Variants in NPAS3 observed in about 807,000 individuals in gnomAD.
NPAS3 encodes neuronal PAS domain protein 3.
A neutral mutation model predicts 73.1 loss-of-function variants in NPAS3; 14 were observed. That is an observed-to-expected ratio of 0.19 (90% CI 0.13 to 0.30). The LOEUF (loss-of-function observed/expected upper bound fraction) is 0.30, where lower values mean the gene tolerates loss of function less well. Ranked by LOEUF, NPAS3 falls within the 10% of genes least tolerant of loss-of-function variation. The pLI is 1.00. For missense variants in NPAS3, 1,096 were observed against 1,250.0 expected, an observed-to-expected ratio of 0.88 and a Z score of 1.86; for synonymous variants, 620 against 541.5, an observed-to-expected ratio of 1.14 and a Z score of -2.01.
chr14:33,349,902 T>C (rs945545659), intron 3 of NPAS3, among the ~76,000 whole-genome samples: 1 of 152,176 alleles, frequency 6.6e-6, no homozygotes, highest in Non-Finnish European at 1.5e-5. Flanking sequence ...AGGAAATTCT[T>C]CTCTAGCAGG....
chr14:33,501,369 A>G (rs2052505908), intron 4 of NPAS3, among the ~76,000 whole-genome samples: 2 of 151,922 alleles, frequency 1.3e-5, no homozygotes, highest in African/African-American at 4.8e-5. Flanking sequence ...CTATTGGGGC[A>G]GTAGTATTAA....
chr14:33,389,027 C>T (rs1462611313), intron 4 of NPAS3, among the ~76,000 whole-genome samples: 1 of 152,146 alleles, frequency 6.6e-6, no homozygotes, highest in Non-Finnish European at 1.5e-5. Context: ...GCTATAGACT[C>T]TCAAGCTTTA....
intron 4 of NPAS3, among the ~76,000 whole-genome samples, chr14:33,442,119 T>G (rs1223350576): frequency 6.6e-6 from 1 of 152,234 alleles, no homozygotes; most frequent in African/African-American, 2.4e-5. Context: ...TATTCTTATG[T>G]GGTCTCAGTA....
At chr14:33,196,890 G>A (rs2046375867) in intron 2 of NPAS3, among the ~76,000 whole-genome samples, 1 of 152,084 alleles carries the variant, frequency 6.6e-6, no homozygotes, top group Non-Finnish European at 1.5e-5. Flanking sequence ...GTATCCTTGT[G>A]CAATTCAATA....
chr14:33,483,881 C>T (rs1038179734), intron 4 of NPAS3, among the ~76,000 whole-genome samples: 2 of 152,166 alleles, frequency 1.3e-5, no homozygotes, highest in African/African-American at 4.8e-5. Flanking sequence ...AGAAATACTG[C>T]CTTTCCCCCT....
chr14:33,442,863 A>C (rs8018440), intron 4 of NPAS3, among the ~76,000 whole-genome samples: 49,639 of 152,104 alleles, frequency 0.33, 8,652 homozygotes, highest in East Asian at 0.64. Flanking sequence ...TTAAGACTTG[A>C]CATTTAGTTC....
chr14:33,399,415 G>A (rs1033306217), intron 4 of NPAS3, among the ~76,000 whole-genome samples: 24 of 151,984 alleles, frequency 1.6e-4, no homozygotes, highest in African/African-American at 5.8e-4. Flanking sequence ...GTTTCCTAAA[G>A]AGCAACAAGG....
chr14:32,975,854 G>T (rs1443385961), intron 1 of NPAS3, among the ~76,000 whole-genome samples: 1 of 136,254 alleles, frequency 7.3e-6, no homozygotes, highest in Non-Finnish European at 1.5e-5. Flanking sequence ...TGTTGGTGGT[G>T]AGGGGCGTGT....
At chr14:33,271,839 A>G (rs1186540210) in intron 3 of NPAS3, among the ~76,000 whole-genome samples, 1 of 152,098 alleles carries the variant, frequency 6.6e-6, no homozygotes, top group Non-Finnish European at 1.5e-5. Context: ...TAAGTTAGTT[A>G]TATTCCTTAT....
intron 4 of NPAS3, among the ~76,000 whole-genome samples, chr14:33,494,415 A>G (rs2052062347): frequency 6.6e-6 from 1 of 152,164 alleles, no homozygotes; most frequent in Non-Finnish European, 1.5e-5. Flanking sequence ...GCCTTCCACA[A>G]ATGATCCCTT....
chr14:33,561,085 T>G (rs1183351809), intron 5 of NPAS3, among the ~76,000 whole-genome samples: 1 of 152,070 alleles, frequency 6.6e-6, no homozygotes, highest in African/African-American at 2.4e-5. Flanking sequence ...GGGAGGGATT[T>G]TGTGTGTGTG....
At chr14:33,216,568 A>G (rs1312609950) in intron 3 of NPAS3, among the ~76,000 whole-genome samples, 1 of 152,212 alleles carries the variant, frequency 6.6e-6, no homozygotes, top group Non-Finnish European at 1.5e-5. Flanking sequence ...TTTCTTCTAG[A>G]GCAACAGTTG....
chr14:32,995,974 G>A (rs2038554170), intron 1 of NPAS3, among the ~76,000 whole-genome samples: 1 of 152,218 alleles, frequency 6.6e-6, no homozygotes, highest in African/African-American at 2.4e-5. Flanking sequence ...ACAGGAAAAT[G>A]TGGGAAAGTT....
intron 2 of NPAS3, among the ~76,000 whole-genome samples, chr14:33,182,943 T>C (rs139284101): frequency 4.7e-3 from 723 of 152,346 alleles, no homozygotes; most frequent in African/African-American, 0.015. Flanking sequence ...GGCAGTGACA[T>C]TGAATTGTCA....
intron 5 of NPAS3, among the ~76,000 whole-genome samples, chr14:33,563,083 A>C (rs1016538856): frequency 6.6e-6 from 1 of 152,188 alleles, no homozygotes; most frequent in Non-Finnish European, 1.5e-5. Flanking sequence ...CTCTGTCATC[A>C]AAGACTTGTC....
chr14:33,374,491 T>TA (rs2046233668), intron 4 of NPAS3, among the ~76,000 whole-genome samples: 1 of 151,708 alleles, frequency 6.6e-6, no homozygotes, highest in African/African-American at 2.4e-5. Context: ...GAAGTTTTTT[T>TA]TAAAAAAAAA....
At chr14:33,585,171 G>C (rs943008499) in intron 5 of NPAS3, among the ~76,000 whole-genome samples, 1 of 152,026 alleles carries the variant, frequency 6.6e-6, no homozygotes, top group African/African-American at 2.4e-5. Context: ...CCCGAATAGA[G>C]CCTCTCATCT....
intron 5 of NPAS3, among the ~76,000 whole-genome samples, chr14:33,600,733 A>T (rs938554887): frequency 1.3e-5 from 2 of 152,342 alleles, no homozygotes; most frequent in Middle Eastern, 3.4e-3. Context: ...CCTCAAAGTA[A>T]CTCACAGGTC....
intron 8 of NPAS3, among the ~76,000 whole-genome samples, chr14:33,775,045 T>TA (rs560081496): frequency 2.0e-5 from 3 of 152,064 alleles, no homozygotes; most frequent in South Asian, 2.1e-4. Context: ...TTTTATAAAT[T>TA]AAAAAAAGAT....
Sources: allele counts gnomAD v4.1 joint callset (sites outside exome capture counted in the v4.1 genomes callset), GRCh38; gene constraint gnomAD v4.1.1; transcripts MANE v1.5; gene names NCBI Gene and HGNC (gene_info 2026-07-23, HGNC 2026-07-21).